EPG5: variants seen among roughly 807,000 people sequenced by gnomAD.
EPG5 encodes the protein ectopic P granules protein 5 homolog.
Under a neutral mutation model 302.7 loss-of-function variants are expected in EPG5, and 159 were observed. The observed-to-expected ratio is 0.53, with a 90% CI of 0.46 to 0.60. The LOEUF (loss-of-function observed/expected upper bound fraction) is 0.60. Ranked by LOEUF, EPG5 falls within the 20% of genes least tolerant of loss-of-function variation. EPG5 has a pLI of 0.00. For synonymous variants in EPG5, 1,158 were observed against 1,136.8 expected (o/e 1.02, Z -0.37); for missense variants, 2,896 against 3,092.4 (o/e 0.94, Z 1.51).
At chr18:45,818,081 A>G in the EPG5 span, among the ~76,000 whole-genome samples, 4 of 152,096 alleles carry the variant, frequency 2.6e-5, no homozygotes, top group Non-Finnish European at 4.4e-5. Flanking sequence ...TTTCCATTCA[A>G]TATTATCTTG....
chr18:45,949,644 A>G, intron 4 of EPG5, 53 bp from the exon 5 acceptor site: 2 of 1,225,302 alleles, frequency 1.6e-6, no homozygotes, highest in Admixed American at 3.7e-5. Context: ...GAAATAATTT[A>G]TCTAGGGGTC....
intron 1 of EPG5, among the ~76,000 whole-genome samples, chr18:45,963,515 A>T (rs1055550582): frequency 1.3e-5 from 2 of 152,176 alleles, no homozygotes; most frequent in South Asian, 2.1e-4. Flanking sequence ...CAGGCACCAT[A>T]ATCTGAGCTA....
chr18:45,892,400 T>C (rs1042997328), intron 27 of EPG5, among the ~76,000 whole-genome samples: 2 of 152,218 alleles, frequency 1.3e-5, no homozygotes, highest in Non-Finnish European at 2.9e-5. Flanking sequence ...ACTTGAGTCA[T>C]TTTAAGTGGA....
the EPG5 span, among the ~76,000 whole-genome samples, chr18:45,806,605 GAATACAGGAGAAGACT>G: frequency 6.6e-6 from 1 of 151,884 alleles, no homozygotes; most frequent in African/African-American, 2.4e-5. Flanking sequence ...TGAAGGTCTA[GAATACAGGAGAAGACT>G]AATACAGGAG....
chr18:45,936,974 T>C (rs1203166844), intron 10 of EPG5, among the ~76,000 whole-genome samples: 1 of 151,966 alleles, frequency 6.6e-6, no homozygotes, highest in Non-Finnish European at 1.5e-5. Flanking sequence ...AAACCCACAC[T>C]TACCTGGACT....
Position 45,904,193 on chromosome 18 carries a change from A to G in EPG5, c.4330-76T>C, listed in dbSNP as rs1271998309. On this transcript the variant is annotated intron_variant, in intron 24 of 43. Coordinates refer to ENST00000282041, the MANE Select transcript of EPG5 (RefSeq NM_020964.3). ...CATATAAAACTATGTATTTAACTATAAAGTGAACCAGTAAGTTTCAACACG... is the reference window on the plus strand; with the variant it reads ...CATATAAAACTATGTATTTAACTATGAAGTGAACCAGTAAGTTTCAACACG... 8 of 1,508,850 alleles carry G rather than the reference A, an allele frequency of 5.3e-6. No homozygotes were observed. In the East Asian group the frequency reaches 2.0e-4, roughly 37 times the overall value. The allele number at this position is 1,508,850 out of a possible 1,614,324, so 93.5% of individuals were successfully genotyped here. A position where few individuals can be genotyped will look rare whatever the true frequency, so the allele number is the denominator to read the frequency against.
At chr18:45,960,558 A>T (rs1263410042) in intron 1 of EPG5, among the ~76,000 whole-genome samples, 2 of 152,262 alleles carry the variant, frequency 1.3e-5, no homozygotes, top group Non-Finnish European at 2.9e-5. Context: ...TCAAATGGAG[A>T]AACAATAATG....
intron 31 of EPG5, among the ~76,000 whole-genome samples, chr18:45,881,248 C>T (rs913259537): frequency 2.0e-5 from 3 of 152,188 alleles, no homozygotes; most frequent in Non-Finnish European, 4.4e-5. Flanking sequence ...AAATGGTTTA[C>T]AATCTCTTTA....
chr18:45,876,319 CA>C lies in EPG5; in HGVS notation c.5965del (p.Trp1989GlyfsTer2), dbSNP rs1232632562. ...GGCCACCACAGTATCACTCTCTAGC[CA>C]GGGGTAATGCCGCTGTTGGCTGCTT... ...NESSQQRHYP[W>X]LESDTVVASS... is the part of the protein sequence containing the mutation. On this transcript the variant is annotated frameshift_variant, in exon 35 of 44. Coordinates refer to ENST00000282041, the MANE Select transcript of EPG5 (RefSeq NM_020964.3). LOFTEE classifies it high-confidence loss of function. 1 of 1,614,000 alleles carries C rather than the reference CA, an allele frequency of 6.2e-7. No homozygotes were observed. Among genetic ancestry groups the C allele is most frequent in the South Asian group, 1.1e-5 (1 of 91,078 alleles).
At chr18:45,908,951 A>T (rs1323431580) in intron 23 of EPG5, among the ~76,000 whole-genome samples, 1 of 151,890 alleles carries the variant, frequency 6.6e-6, no homozygotes, top group East Asian at 1.9e-4. Flanking sequence ...TCTGCCTCAA[A>T]AAAAAAAAAA....
chr18:45,944,325 A>C (rs369969336), intron 7 of EPG5, among the ~76,000 whole-genome samples: 114 of 152,278 alleles, frequency 7.5e-4, no homozygotes, highest in Non-Finnish European at 1.3e-3. Flanking sequence ...TCCAAGCACA[A>C]TTTTATATGT....
At chr18:45,872,788 G>A (rs1022481582) in intron 35 of EPG5, among the ~76,000 whole-genome samples, 7 of 152,114 alleles carry the variant, frequency 4.6e-5, no homozygotes, top group African/African-American at 1.7e-4. Flanking sequence ...CCACAACCCG[G>A]CATGGAACAG....
chr18:45,922,980 G>C (rs2050191308), intron 15 of EPG5, among the ~76,000 whole-genome samples: 2 of 152,154 alleles, frequency 1.3e-5, no homozygotes, highest in Non-Finnish European at 2.9e-5. Context: ...TAATAACCTG[G>C]CTTGCAAAGT....
Position 45,963,058 on chromosome 18 carries a change from G to A in EPG5, c.63+4119C>T, listed in dbSNP as rs147835093. ...ATTACTGGCATTTATTTCATCATTC[G>A]ACGAACATTATCAAGTGACAAAGAG... On this transcript the variant is annotated intron_variant, in intron 1 of 43. Transcript: ENST00000282041. Among the ~76,000 whole-genome samples, 573 of 152,108 alleles carry A rather than the reference G, an allele frequency of 3.8e-3. 2 individuals carry two copies. Among genetic ancestry groups the A allele is most frequent in the African/African-American group, 0.013 (552 of 41,488 alleles).
chr18:45,950,351 G>A (rs767633274), intron 4 of EPG5, among the ~76,000 whole-genome samples: 4 of 152,188 alleles, frequency 2.6e-5, no homozygotes, highest in Non-Finnish European at 5.9e-5. Flanking sequence ...GAGAGACCCA[G>A]TGGGAGGTAA....
chr18:45,863,644 T>C (rs1314410923), intron 39 of EPG5, among the ~76,000 whole-genome samples: 1 of 152,212 alleles, frequency 6.6e-6, no homozygotes, highest in African/African-American at 2.4e-5. Context: ...TCTTCATCAT[T>C]AAAGGGTGGC....
At chr18:45,899,631 C>T (rs2049560666) in intron 26 of EPG5, 65 bp from the exon 27 acceptor site, 2 of 1,538,734 alleles carry the variant, frequency 1.3e-6, no homozygotes, top group Non-Finnish European at 1.8e-6. Context: ...GTGATAAAGG[C>T]TTCCAGTTAC....
intron 39 of EPG5, among the ~76,000 whole-genome samples, chr18:45,864,104 C>T (rs2048691477): frequency 6.6e-6 from 1 of 152,070 alleles, no homozygotes; most frequent in African/African-American, 2.4e-5. Context: ...ACCTCACTTT[C>T]GTATTCTTTT....
intron 27 of EPG5, among the ~76,000 whole-genome samples, chr18:45,890,367 C>T (rs2049315280): frequency 6.6e-6 from 1 of 152,032 alleles, no homozygotes; most frequent in African/African-American, 2.4e-5. Flanking sequence ...TCACAAATGT[C>T]GTTTTGAAAG....
Sources: gnomAD v4.1 joint callset for allele counts (sites outside exome capture counted in the v4.1 genomes callset) on GRCh38, gnomAD v4.1.1 for gene constraint, MANE v1.5 for transcripts, NCBI Gene and HGNC (gene_info 2026-07-23, HGNC 2026-07-21) for gene names.